FERMT3: variants seen among roughly 807,000 people sequenced by gnomAD.
FERMT3 encodes the protein FERM domain containing kindlin 3.
A neutral mutation model predicts 80.8 loss-of-function variants in FERMT3; 33 were observed. That is an observed-to-expected ratio of 0.41 (90% CI 0.31 to 0.55). The LOEUF (loss-of-function observed/expected upper bound fraction) is 0.55. Among genes scored for constraint, FERMT3 ranks in the 20% least tolerant of loss-of-function variants. FERMT3 has a pLI of 0.31. For synonymous variants in FERMT3, 375 were observed against 372.2 expected (o/e 1.01, Z -0.09); for missense variants, 754 against 908.7 (o/e 0.83, Z 2.19).
Position 64,220,465 on chromosome 11 carries a change from C to A in FERMT3, c.1341C>A (p.Gly447=). ...DEQQYARWMA[G]CRLASKGRTM... ...AGCAGTATGCCCGCTGGATGGCTGGCTGCCGCCTGGCCTCCAAAGGCCGCA... is the reference window on the plus strand; with the variant it reads ...AGCAGTATGCCCGCTGGATGGCTGGATGCCGCCTGGCCTCCAAAGGCCGCA... Residue 447 remains glycine (G), a synonymous_variant, in exon 12 of 15, where the codon GGC becomes GGA. Coordinates refer to ENST00000345728, the MANE Select transcript of FERMT3 (RefSeq NM_031471.6). 2 of 1,610,008 alleles carry A rather than the reference C, an allele frequency of 1.2e-6. No individual in the cohort carries two copies. The highest frequency in any genetic ancestry group is 1.7e-6 in the Non-Finnish European group (2 of 1,178,754).
chr11:64,215,495 T>G (rs1416913826), intron 6 of FERMT3, among the ~76,000 whole-genome samples: 1 of 152,240 alleles, frequency 6.6e-6, no homozygotes, highest in Non-Finnish European at 1.5e-5. Flanking sequence ...CTCTGTGCTT[T>G]GCCTTTTAAT....
intron 6 of FERMT3, among the ~76,000 whole-genome samples, chr11:64,214,995 A>C (rs891257934): frequency 6.6e-6 from 1 of 151,954 alleles, no homozygotes; most frequent in African/African-American, 2.4e-5. Flanking sequence ...TTTTGAGTAG[A>C]GATGGGATTT....
At chr11:64,214,700 G>A (rs1235730397) in intron 6 of FERMT3, among the ~76,000 whole-genome samples, 4 of 151,700 alleles carry the variant, frequency 2.6e-5, no homozygotes, top group African/African-American at 7.3e-5. Flanking sequence ...CCTACTCTCC[G>A]GAGACCTCTT....
chr11:64,219,587 C>T lies in FERMT3; in HGVS notation c.958C>T (p.Leu320=). ...VGEPAGTDPG[L]DDLDVALSNL... is the part of the protein sequence containing the mutation. ...GGAGCCGGCTGGCACAGACCCAGGG[C>T]TGGACGACCTGGATGTGGCCCTGAG... is the stretch of plus-strand genomic sequence containing the variant. The change falls in exon 8 of 15, where the codon CTG becomes TTG. Residue 320 remains leucine (L), a synonymous_variant. Coordinates refer to ENST00000345728, the MANE Select transcript of FERMT3 (RefSeq NM_031471.6). This position sits in a 1 kb window ranked among gnomAD's most constrained non-coding sequence, Gnocchi z 4.0. The T allele has an allele frequency of 1.2e-6, 2 of 1,612,640 alleles. No individual in the cohort carries two copies. Among genetic ancestry groups the T allele is most frequent in the Non-Finnish European group, 8.5e-7 (1 of 1,179,918 alleles).
rs1591027169 is a variant in FERMT3 at position 64,210,967 on chromosome 11, G to A, written c.395-85G>A. The stretch of plus-strand genomic sequence containing the variant: ...TCTGGGTTGCCACCCTGCCTGCAGG[G>A]CTGTGACCCGCCCCAAGCACCCATG... On this transcript the variant is annotated intron_variant, in intron 3 of 14. Transcript: ENST00000345728. The surrounding 1 kb of genome is among the most constrained non-coding windows in gnomAD (Gnocchi z 4.3). The A allele has an allele frequency of 3.1e-6, 5 of 1,607,024 alleles. No homozygotes were observed. In the Admixed American group the frequency reaches 5.1e-5, roughly 16 times the overall value.
chr11:64,220,910 C>A, intron 12 of FERMT3, 106 bp from the exon 13 acceptor site: 1 of 1,558,918 alleles, frequency 6.4e-7, no homozygotes, highest in South Asian at 1.2e-5. Flanking sequence ...TGGGCACTGC[C>A]CCTTCCCAGG....
chr11:64,208,326 A>G lies in FERMT3; in HGVS notation c.160+802A>G, dbSNP rs571311042. 8.5e-5 allele frequency among the ~76,000 whole-genome samples: 13 copies of G among 152,298 alleles called. No individual in the cohort carries two copies. In the South Asian group the frequency reaches 2.5e-3, roughly 29 times the overall value. The stretch of plus-strand genomic sequence containing the variant: ...GGCCCGGAGCAGCTGTGAGAATAGA[A>G]GTGAGGAACAGAGAGAGGGTGGTGA... On this transcript the variant is annotated intron_variant, in intron 2 of 14. Coordinates refer to ENST00000345728, the MANE Select transcript of FERMT3 (RefSeq NM_031471.6).
In FERMT3 at chr11:64,210,879, G is replaced by T. The variant is rs754570558; in HGVS notation, c.394+35G>T. 3 of 1,609,568 alleles carry T rather than the reference G, an allele frequency of 1.9e-6. No homozygotes were observed. The highest frequency in any genetic ancestry group is 1.3e-5 in the African/African-American group (1 of 75,056). Reference sequence around the variant, plus strand: ...CCGGCTGATTCCCCTGGCCCACGAGGGTGATGCAAAGAGGCAGGTTCCCCC... The same window carrying T: ...CCGGCTGATTCCCCTGGCCCACGAGTGTGATGCAAAGAGGCAGGTTCCCCC... On this transcript the variant is annotated intron_variant, in intron 3 of 14. Coordinates refer to ENST00000345728, the MANE Select transcript of FERMT3 (RefSeq NM_031471.6). This position sits in a 1 kb window ranked among gnomAD's most constrained non-coding sequence, Gnocchi z 4.3.
intron 6 of FERMT3, among the ~76,000 whole-genome samples, chr11:64,214,436 C>T (rs1946508976): frequency 6.6e-6 from 1 of 152,126 alleles, no homozygotes; most frequent in Non-Finnish European, 1.5e-5. Flanking sequence ...ACCTCCGCCT[C>T]CCGGATTCAA....
intron 2 of FERMT3, among the ~76,000 whole-genome samples, chr11:64,209,762 G>T (rs79094823): frequency 6.6e-6 from 1 of 152,144 alleles, no homozygotes; most frequent in Non-Finnish European, 1.5e-5. Context: ...AAAACTCACC[G>T]GGAGGACCTG....
rs533761429 is a variant in FERMT3, at chr11:64,219,387, C to A, written c.894+29C>A. The stretch of plus-strand genomic sequence containing the variant: ...CCAGGCGGGCCTGGGGGCACCAGGG[C>A]AGGTGGGAGGTGAGCCAGTCCCAGG... On this transcript the variant is annotated intron_variant, in intron 7 of 14. Transcript: ENST00000345728. The surrounding 1 kb of genome is among the most constrained non-coding windows in gnomAD (Gnocchi z 4.0). 1 of 1,574,346 alleles carries A rather than the reference C, an allele frequency of 6.4e-7. No individual in the cohort carries two copies. Among genetic ancestry groups the A allele is most frequent in the South Asian group, 1.2e-5 (1 of 86,480 alleles).
At position 64,219,034 on chromosome 11, in the gene FERMT3, A is replaced by G. The variant is rs1205469635; in HGVS notation, c.787-217A>G. Among the ~76,000 whole-genome samples the G allele has an allele frequency of 6.6e-6, 1 of 152,220 alleles. No homozygotes were observed. The highest frequency in any genetic ancestry group is 6.5e-5 in the Admixed American group (1 of 15,288). Reference sequence around the variant, plus strand: ...GCACACAGTAAACATCAGCACAACCAAGCCAAGGTTTAGACGTGCAGGCCT... The same window carrying G: ...GCACACAGTAAACATCAGCACAACCGAGCCAAGGTTTAGACGTGCAGGCCT... On this transcript the variant is annotated intron_variant, in intron 6 of 14. Transcript: ENST00000345728. This position sits in a 1 kb window ranked among gnomAD's most constrained non-coding sequence, Gnocchi z 4.0.
chr11:64,207,299 C>G (rs1281046334), intron 1 of FERMT3, 52 bp from the exon 2 acceptor site: 3 of 1,610,272 alleles, frequency 1.9e-6, no homozygotes, highest in Non-Finnish European at 2.5e-6. Flanking sequence ...CTGCCCAAAC[C>G]CGGAGGCCTA....
upstream of FERMT3, among the ~76,000 whole-genome samples, chr11:64,206,303 G>C (rs1032246129): frequency 1.3e-5 from 2 of 152,208 alleles, no homozygotes; most frequent in Admixed American, 1.3e-4. Context: ...GGGATAGCCA[G>C]GCTGGAGCCG....
chr11:64,207,232 C>T (rs1475180244), intron 1 of FERMT3, 119 bp from the exon 2 acceptor site: 8 of 1,216,066 alleles, frequency 6.6e-6, no homozygotes, highest in East Asian at 2.5e-5. Flanking sequence ...TGCTCACTCC[C>T]GCCCTCCTTC....
Position 64,210,681 on chromosome 11 carries a change from C to G in FERMT3, c.231C>G (p.His77Gln). 2 of 1,614,156 alleles carry G rather than the reference C, an allele frequency of 1.2e-6. No homozygotes were observed. The highest frequency in any genetic ancestry group is 3.3e-4 in the Middle Eastern group (2 of 6,062). Reference protein sequence around the residue: ...EQKRQWLLQTHWTLDKYGILA... With the variant: ...EQKRQWLLQTQWTLDKYGILA... ...AGAGGCAGTGGCTGCTGCAGACCCA[C>G]TGGACACTGGACAAGTACGGGATCC... Residue 77 changes from histidine (H) to glutamine (Q), a missense_variant, in exon 3 of 15, where the codon CAC becomes CAG. Physicochemically the swap from His to Gln is conservative, Grantham distance 24. Transcript: ENST00000345728. The surrounding 1 kb of genome is among the most constrained non-coding windows in gnomAD (Gnocchi z 4.3).
chr11:64,221,245 CAA>C, intron 13 of FERMT3, 105 bp downstream of exon 13: 1 of 1,154,302 alleles, frequency 8.7e-7, no homozygotes, highest in South Asian at 1.3e-5. Flanking sequence ...ACAGGCACCC[CAA>C]AGACTCCCTT....
chr11:64,220,140 G>T (rs1297251846), intron 10 of FERMT3, 80 bp from the exon 11 acceptor site: 3 of 1,570,600 alleles, frequency 1.9e-6, no homozygotes, highest in Non-Finnish European at 2.6e-6. Flanking sequence ...TGAGGTGACG[G>T]TGTGGGCTAG....
rs1946445737 is a variant in FERMT3 at position 64,211,756 on chromosome 11, G to T, written c.786+9G>T. On this transcript the variant is annotated intron_variant, in intron 6 of 14. Coordinates refer to ENST00000345728, the MANE Select transcript of FERMT3 (RefSeq NM_031471.6). This position sits in a 1 kb window ranked among gnomAD's most constrained non-coding sequence, Gnocchi z 4.7. ...TCGATTTGGATCCCAAGGTGGGTCG[G>T]GGCAGGGAGAAAGCGGGCCTCAGGT... 1 of 1,613,896 alleles carries T rather than the reference G, an allele frequency of 6.2e-7. No homozygotes were observed. Among genetic ancestry groups the T allele is most frequent in the South Asian group, 1.1e-5 (1 of 91,082 alleles).
Sources: allele counts gnomAD v4.1 joint callset (sites outside exome capture counted in the v4.1 genomes callset), GRCh38; gene constraint gnomAD v4.1.1; non-coding constraint Gnocchi (gnomAD v3.1); transcripts MANE v1.5; gene names NCBI Gene and HGNC (gene_info 2026-07-23, HGNC 2026-07-21).